The following PFKFB3 variants were observed in gnomAD, a reference collection of about 807,000 sequenced individuals.
The protein encoded by PFKFB3 is 6-phosphofructo-2-kinase/fructose-2,6-biphosphatase 3.
PFKFB3 carries 33 observed loss-of-function variants against 68.0 expected under a neutral mutation model. That is an observed-to-expected ratio of 0.49 (90% CI 0.37 to 0.65). PFKFB3 has a LOEUF of 0.65. PFKFB3 is among the 30% of genes least tolerant of loss of function. The pLI is 0.00. For synonymous variants in PFKFB3, 315 were observed against 288.2 expected (o/e 1.09, Z -0.94); for missense variants, 586 against 712.2 (o/e 0.82, Z 2.02).
the PFKFB3 span, among the ~76,000 whole-genome samples, chr10:6,325,320 A>G: frequency 6.6e-6 from 1 of 152,296 alleles, no homozygotes; most frequent in East Asian, 1.9e-4. Flanking sequence ...AGTTAATAAC[A>G]TGTGCTTATT....
intron 14 of PFKFB3, among the ~76,000 whole-genome samples, chr10:6,249,619 T>C (rs1846332303): frequency 6.6e-6 from 1 of 152,196 alleles, no homozygotes; most frequent in Non-Finnish European, 1.5e-5. Flanking sequence ...TCCTCACTTA[T>C]ATGTGGAATC....
chr10:6,236,421 G>T (rs78414178), downstream of PFKFB3, among the ~76,000 whole-genome samples: 11,899 of 152,270 alleles, frequency 0.078, 820 homozygotes, highest in African/African-American at 0.16. Flanking sequence ...GTCTTGCTTG[G>T]TCTGATTTTT....
chr10:6,272,247 A>T, the PFKFB3 span, among the ~76,000 whole-genome samples: 8 of 152,226 alleles, frequency 5.3e-5, no homozygotes, highest in African/African-American at 1.7e-4. Flanking sequence ...TCTGTCCCTT[A>T]GGACTTGCAG....
chr10:6,159,148 A>G (rs1394404514), intron 1 of PFKFB3, among the ~76,000 whole-genome samples: 1 of 152,160 alleles, frequency 6.6e-6, no homozygotes, highest in Non-Finnish European at 1.5e-5. Context: ...TAATCCCAGC[A>G]CTTTGAGAGA....
intron 14 of PFKFB3, among the ~76,000 whole-genome samples, chr10:6,251,597 G>A (rs1267030656): frequency 9.9e-5 from 15 of 152,158 alleles, no homozygotes; most frequent in Admixed American, 9.8e-4. Context: ...GGTGGCCAAG[G>A]CAGGAAAAGT....
At chr10:6,269,173 G>A in the PFKFB3 span, among the ~76,000 whole-genome samples, 5 of 151,126 alleles carry the variant, frequency 3.3e-5, no homozygotes, top group East Asian at 3.9e-4. Context: ...CCTGAATGGC[G>A]ATTCTTCAGT....
At chr10:6,286,209 C>T in the PFKFB3 span, among the ~76,000 whole-genome samples, 7 of 152,034 alleles carry the variant, frequency 4.6e-5, no homozygotes, top group Non-Finnish European at 1.0e-4. Flanking sequence ...CATCTCCTGA[C>T]CTTGTGATCT....
the PFKFB3 span, among the ~76,000 whole-genome samples, chr10:6,302,378 T>G: frequency 1.8e-3 from 223 of 122,666 alleles, 3 homozygotes; most frequent in African/African-American, 6.9e-3. Context: ...TTTTTTTTTT[T>G]TTTTTTTTTT....
At chr10:6,289,456 T>C in the PFKFB3 span, among the ~76,000 whole-genome samples, 1 of 152,172 alleles carries the variant, frequency 6.6e-6, no homozygotes, top group Non-Finnish European at 1.5e-5. Context: ...ATTTATTAAA[T>C]AGGGAATCCT....
chr10:6,267,171 C>G, the PFKFB3 span, among the ~76,000 whole-genome samples: 1 of 152,218 alleles, frequency 6.6e-6, no homozygotes, highest in Non-Finnish European at 1.5e-5. Context: ...TAAGTGGGTT[C>G]ACCACAATCA....
At chr10:6,144,990 C>T in exon 1 of PFKFB3, 1 of 1,320,266 alleles carries the variant, frequency 7.6e-7, no homozygotes, top group Non-Finnish European at 9.7e-7. Context: ...GGGAGCGCCC[C>T]CGGCGCGATG....
chr10:6,224,516 T>C lies in PFKFB3; in HGVS notation c.1341+303T>C, dbSNP rs541597034. The C allele has an allele frequency of 4.8e-5, 25 of 524,508 alleles. No homozygotes were observed. The East Asian group carries it at 1.1e-3, about 22-fold the overall frequency. 32.5% of individuals were successfully genotyped at this position (524,508 alleles called of 1,614,324 possible). On this transcript the variant is annotated intron_variant, in intron 13 of 14. Coordinates refer to ENST00000379775, the MANE Select transcript of PFKFB3 (RefSeq NM_004566.4). The stretch of plus-strand genomic sequence containing the variant: ...TTTTATTTGAGACAGGGTCTCAGTC[T>C]GTTCCCCAGGCTGGAGTGCGGTGGC...
At chr10:6,167,418 T>G (rs771327179) in intron 1 of PFKFB3, among the ~76,000 whole-genome samples, 7 of 152,238 alleles carry the variant, frequency 4.6e-5, no homozygotes, top group Non-Finnish European at 8.8e-5. Flanking sequence ...TTTGCTGAAT[T>G]AATAGCTTCA....
chr10:6,179,229 G>A (rs763245201), intron 1 of PFKFB3, among the ~76,000 whole-genome samples: 4 of 152,248 alleles, frequency 2.6e-5, no homozygotes, highest in Non-Finnish European at 5.9e-5. Flanking sequence ...CAGCGTGTGA[G>A]TCGGGAAGGA....
chr10:6,271,481 C>G, the PFKFB3 span, among the ~76,000 whole-genome samples: 1 of 152,170 alleles, frequency 6.6e-6, no homozygotes, highest in Non-Finnish European at 1.5e-5. Flanking sequence ...TGCGGAAGGG[C>G]TGGGAAGCCG....
the PFKFB3 span, among the ~76,000 whole-genome samples, chr10:6,325,045 C>T: frequency 3.9e-5 from 6 of 152,230 alleles, no homozygotes; most frequent in Admixed American, 6.5e-5. Flanking sequence ...CTCACTATAG[C>T]CTTCGCCTCC....
At chr10:6,315,396 G>A in the PFKFB3 span, among the ~76,000 whole-genome samples, 3 of 152,226 alleles carry the variant, frequency 2.0e-5, no homozygotes, top group African/African-American at 7.2e-5. Context: ...GTAAAGGCCA[G>A]TTGCCTTATA....
chr10:6,254,041 C>CA (rs903667272), intron 14 of PFKFB3: 27 of 385,852 alleles, frequency 7.0e-5, no homozygotes, highest in South Asian at 5.9e-4. Flanking sequence ...GACTCCGTCT[C>CA]AAAAAAAGGG....
chr10:6,151,437 G>A (rs756584897), intron 1 of PFKFB3, among the ~76,000 whole-genome samples: 1 of 152,164 alleles, frequency 6.6e-6, no homozygotes, highest in East Asian at 1.9e-4. Flanking sequence ...CCCAGTCCTC[G>A]GCCAGAGAAG....
Sources: allele counts gnomAD v4.1 joint callset (sites outside exome capture counted in the v4.1 genomes callset), GRCh38; gene constraint gnomAD v4.1.1; transcripts MANE v1.5; gene names NCBI Gene and HGNC (gene_info 2026-07-23, HGNC 2026-07-21).